CLYBL: variants seen among roughly 807,000 people sequenced by gnomAD.
The protein encoded by CLYBL is citramalyl-CoA lyase, mitochondrial.
A neutral mutation model predicts 38.9 loss-of-function variants in CLYBL; 31 were observed. The observed-to-expected ratio is 0.80, with a 90% CI of 0.60 to 1.08. The LOEUF is 1.08. CLYBL is among the 50% of genes least tolerant of loss of function. The pLI is 0.00. For missense variants in CLYBL, 434 were observed against 411.6 expected, an observed-to-expected ratio of 1.05 and a Z score of -0.47; for synonymous variants, 171 against 158.6, an observed-to-expected ratio of 1.08 and a Z score of -0.59.
intron 2 of CLYBL, among the ~76,000 whole-genome samples, chr13:99,808,057 T>C (rs1213333453): frequency 6.6e-6 from 1 of 152,070 alleles, no homozygotes; most frequent in Non-Finnish European, 1.5e-5. Flanking sequence ...TTCAGGATCC[T>C]CTTGGTTTTT....
At chr13:99,634,335 T>C (rs1296234474) in intron 1 of CLYBL, among the ~76,000 whole-genome samples, 1 of 152,194 alleles carries the variant, frequency 6.6e-6, no homozygotes, top group Non-Finnish European at 1.5e-5. Flanking sequence ...AGAATCTGAC[T>C]ATGAGAAATG....
intron 1 of CLYBL, chr13:99,726,672 G>C (rs1311909874): frequency 6.6e-6 from 1 of 152,256 alleles, no homozygotes; most frequent in Non-Finnish European, 1.5e-5. Flanking sequence ...ATGTAAAGCG[G>C]CTGGCACAGG....
intron 1 of CLYBL, chr13:99,726,380 G>A (rs901443380): frequency 6.6e-6 from 1 of 152,170 alleles, no homozygotes; most frequent in Non-Finnish European, 1.5e-5. Context: ...CTGCTTCTTG[G>A]TAATCAGGTT....
chr13:99,675,749 A>G (rs527753733), intron 1 of CLYBL, among the ~76,000 whole-genome samples: 1 of 152,356 alleles, frequency 6.6e-6, no homozygotes, highest in South Asian at 2.1e-4. Context: ...GTATGTACTA[A>G]TATATACCAC....
At chr13:99,817,401 G>A (rs1247940468) in intron 2 of CLYBL, among the ~76,000 whole-genome samples, 1 of 152,124 alleles carries the variant, frequency 6.6e-6, no homozygotes, top group Non-Finnish European at 1.5e-5. Flanking sequence ...GCTCACGCCT[G>A]TAATCCCAGC....
chr13:99,900,232 A>G (rs2052626268), downstream of CLYBL, among the ~76,000 whole-genome samples: 1 of 152,008 alleles, frequency 6.6e-6, no homozygotes, highest in South Asian at 2.1e-4. Context: ...TGGCCTTCAT[A>G]TTTACTTTCA....
chr13:99,819,440 ATATATATATATATATATATATAT>A (rs770272114), intron 2 of CLYBL, among the ~76,000 whole-genome samples: 13,607 of 107,112 alleles, frequency 0.13, 1,553 homozygotes, highest in East Asian at 0.21. Flanking sequence ...ATATATATAT[ATATATATATATATATATATATAT>A]ATATAATATT....
At chr13:99,817,765 G>T (rs1861300017) in intron 2 of CLYBL, among the ~76,000 whole-genome samples, 1 of 152,056 alleles carries the variant, frequency 6.6e-6, no homozygotes, top group Admixed American at 6.6e-5. Flanking sequence ...CACTTCGGGA[G>T]GCCAAGGCAG....
chr13:99,766,647 T>C (rs2049273739), intron 1 of CLYBL, among the ~76,000 whole-genome samples: 2 of 152,166 alleles, frequency 1.3e-5, no homozygotes, highest in African/African-American at 4.8e-5. Flanking sequence ...GGCTGGCTTG[T>C]TTTTGTATTT....
intron 2 of CLYBL, among the ~76,000 whole-genome samples, chr13:99,791,785 C>CG (rs1192442484): frequency 6.6e-6 from 1 of 152,174 alleles, no homozygotes; most frequent in Non-Finnish European, 1.5e-5. Context: ...TGTCTGAGAG[C>CG]ATCAGTTCAA....
chr13:99,885,878 G>A (rs912289), intron 7 of CLYBL, among the ~76,000 whole-genome samples: 130,797 of 152,106 alleles, frequency 0.86, 56,562 homozygotes, highest in African/African-American at 0.93. Context: ...TAGGTAAGGA[G>A]GAGCCGTATC....
chr13:99,772,334 G>A (rs1198579543), intron 1 of CLYBL, among the ~76,000 whole-genome samples: 2 of 152,246 alleles, frequency 1.3e-5, no homozygotes, highest in East Asian at 1.9e-4. Context: ...ATAACATTTA[G>A]TTCATTGATT....
intron 1 of CLYBL, among the ~76,000 whole-genome samples, chr13:99,710,161 C>T (rs1241832255): frequency 6.6e-6 from 1 of 152,124 alleles, no homozygotes; most frequent in Non-Finnish European, 1.5e-5. Context: ...ATCTGCCCGC[C>T]TCGGCCTCCC....
At chr13:99,728,237 G>A (rs1352684296) in intron 1 of CLYBL, among the ~76,000 whole-genome samples, 1 of 151,514 alleles carries the variant, frequency 6.6e-6, no homozygotes, top group Non-Finnish European at 1.5e-5. Flanking sequence ...AATATAAACT[G>A]GGTACTTATT....
intron 1 of CLYBL, among the ~76,000 whole-genome samples, chr13:99,635,689 T>C (rs1050808472): frequency 3.3e-5 from 5 of 152,212 alleles, no homozygotes; most frequent in Non-Finnish European, 1.5e-5. Context: ...TGTCCTACTC[T>C]TGGAGAGACC....
At chr13:99,697,223 A>ATTG (rs2047993200) in intron 1 of CLYBL, among the ~76,000 whole-genome samples, 1 of 152,164 alleles carries the variant, frequency 6.6e-6, no homozygotes, top group Admixed American at 6.5e-5. Context: ...TGGAAGGGTA[A>ATTG]TTGTAAAGGG....
intron 1 of CLYBL, among the ~76,000 whole-genome samples, chr13:99,633,062 A>G (rs898987179): frequency 2.0e-5 from 3 of 152,016 alleles, no homozygotes; most frequent in Non-Finnish European, 4.4e-5. Context: ...CAACATGGCA[A>G]AACCCTGTCT....
intron 1 of CLYBL, among the ~76,000 whole-genome samples, chr13:99,715,179 T>C (rs142149352): frequency 7.9e-5 from 12 of 152,186 alleles, no homozygotes; most frequent in African/African-American, 2.6e-4. Context: ...CTTCCAGCAT[T>C]CTAGAAGCCA....
At chr13:99,691,596 A>C (rs190410286) in intron 1 of CLYBL, among the ~76,000 whole-genome samples, 57 of 151,778 alleles carry the variant, frequency 3.8e-4, no homozygotes, top group East Asian at 1.2e-3. Context: ...TAAAAAAAAA[A>C]CCAAAAAACA....
Sources: allele counts gnomAD v4.1 joint callset (sites outside exome capture counted in the v4.1 genomes callset), GRCh38; gene constraint gnomAD v4.1.1; transcripts MANE v1.5; gene names NCBI Gene and HGNC (gene_info 2026-07-23, HGNC 2026-07-21).